The following RYR2 variants were observed in gnomAD, a reference collection of about 807,000 sequenced individuals.
RYR2 encodes cardiac muscle ryanodine receptor-calcium release channel.
In RYR2, 227 loss-of-function variants were observed where a neutral mutation model predicts 601.1. The observed-to-expected ratio is 0.38, with a 90% CI of 0.34 to 0.42. The LOEUF is 0.42. RYR2 is among the 10% of genes least tolerant of loss of function. RYR2 has a pLI of 1.00. For synonymous variants in RYR2, 2,223 were observed against 2,175.1 expected, an observed-to-expected ratio of 1.02 and a Z score of -0.61; for missense variants, 4,646 against 6,156.5, an observed-to-expected ratio of 0.75 and a Z score of 8.21.
intron 2 of RYR2, among the ~76,000 whole-genome samples, chr1:237,318,163 C>CT (rs35077788): frequency 0.14 from 22,005 of 151,854 alleles, 3,760 homozygotes; most frequent in African/African-American, 0.41. Context: ...TTTAATTCAT[C>CT]TAAAATCGTA....
chr1:237,445,553 G>A, intron 14 of RYR2, 31 bp downstream of exon 14: 1 of 1,610,574 alleles, frequency 6.2e-7, no homozygotes, highest in Non-Finnish European at 8.5e-7. Context: ...GTAGTTGTTT[G>A]ATACTTCATT....
At chr1:237,191,866 C>T (rs948686546) in intron 1 of RYR2, among the ~76,000 whole-genome samples, 1 of 152,126 alleles carries the variant, frequency 6.6e-6, no homozygotes, top group Non-Finnish European at 1.5e-5. Flanking sequence ...GTTTTTGTTG[C>T]TGTTGTTACT....
At chr1:237,059,943 G>A (rs1002126778) in intron 1 of RYR2, among the ~76,000 whole-genome samples, 2 of 152,124 alleles carry the variant, frequency 1.3e-5, no homozygotes, top group African/African-American at 2.4e-5. Flanking sequence ...TACTTAAAGC[G>A]TTCTTCTTCA....
chr1:237,810,112 A>G (rs1224377957), intron 100 of RYR2, among the ~76,000 whole-genome samples: 1 of 152,052 alleles, frequency 6.6e-6, no homozygotes, highest in Non-Finnish European at 1.5e-5. Flanking sequence ...TACATGGAGA[A>G]CGGTCTGAGT....
intron 47 of RYR2, among the ~76,000 whole-genome samples, chr1:237,641,793 C>T (rs1387082239): frequency 6.6e-6 from 1 of 152,188 alleles, no homozygotes; most frequent in Admixed American, 6.5e-5. Flanking sequence ...CCAACTGCCT[C>T]GGCCTCCCAA....
intron 17 of RYR2, among the ~76,000 whole-genome samples, chr1:237,484,315 G>A (rs1288365927): frequency 6.6e-6 from 1 of 152,100 alleles, no homozygotes; most frequent in Non-Finnish European, 1.5e-5. Context: ...GATTTTGACT[G>A]TGTTTTATTT....
At chr1:237,567,113 G>GGTTT (rs139447628) in intron 28 of RYR2, among the ~76,000 whole-genome samples, 2,494 of 152,030 alleles carry the variant, frequency 0.016, 22 homozygotes, top group Non-Finnish European at 0.023. Flanking sequence ...TATAATTAGT[G>GGTTT]GTTTGTATGA....
At chr1:237,416,721 T>C (rs113166288) in intron 10 of RYR2, among the ~76,000 whole-genome samples, 1,528 of 150,366 alleles carry the variant, frequency 0.01, 33 homozygotes, top group African/African-American at 0.035. Flanking sequence ...AGGTGAAATC[T>C]ATTCACTGGG....
intron 56 of RYR2, among the ~76,000 whole-genome samples, chr1:237,662,466 T>C (rs764553177): frequency 7.0e-6 from 1 of 143,420 alleles, no homozygotes; most frequent in African/African-American, 2.6e-5. Context: ...AATAAGGCAC[T>C]ACACAGTATA....
At chr1:237,534,510 T>G (rs752674825) in intron 25 of RYR2, among the ~76,000 whole-genome samples, 30 of 152,150 alleles carry the variant, frequency 2.0e-4, no homozygotes, top group Non-Finnish European at 4.0e-4. Context: ...TTTATAAAAT[T>G]TAGTATCCTT....
chr1:237,518,417 C>G (rs1448478191), intron 24 of RYR2, among the ~76,000 whole-genome samples: 1 of 151,652 alleles, frequency 6.6e-6, no homozygotes, highest in Non-Finnish European at 1.5e-5. Context: ...TTCCAATCCC[C>G]TCACTCTTCC....
At position 237,727,108 on chromosome 1, in the gene RYR2, A is replaced by C. The variant is rs752487531; in HGVS notation, c.10747A>C (p.Lys3583Gln). The change falls in exon 76 of 105, where the codon AAA becomes CAA. Residue 3583 changes from lysine (K) to glutamine (Q), a missense_variant. Around this residue, in one of 17 missense-constraint regions of RYR2, gnomAD observed 1,497 missense variants for 1,842.6 expected, o/e 0.81. Transcript: ENST00000366574. ...YCLVEHPQRSKKAVWHKLLSK... is the reference protein window; with the variant it reads ...YCLVEHPQRSQKAVWHKLLSK... Reference sequence around the variant, plus strand: ...TCAGGTGGAACATCCTCAGAGATCTAAAAAGGCTGTATGGCATAAACTACT... The same window carrying C: ...TCAGGTGGAACATCCTCAGAGATCTCAAAAGGCTGTATGGCATAAACTACT... 6.3e-7 allele frequency: 1 copy of C among 1,591,124 alleles called. No individual in the cohort carries two copies. The highest frequency in any genetic ancestry group is 8.6e-7 in the Non-Finnish European group (1 of 1,159,408).
chr1:237,055,298 C>G (rs1661848499), intron 1 of RYR2, among the ~76,000 whole-genome samples: 1 of 152,016 alleles, frequency 6.6e-6, no homozygotes, highest in African/African-American at 2.4e-5. Context: ...AAAAGGGGCC[C>G]TGGAAGTTAT....
intron 16 of RYR2, among the ~76,000 whole-genome samples, chr1:237,459,936 T>C (rs1334797631): frequency 6.6e-6 from 1 of 152,134 alleles, no homozygotes; most frequent in Non-Finnish European, 1.5e-5. Flanking sequence ...AATGTTTCTA[T>C]TGGGATGTGT....
At chr1:237,155,473 G>A (rs1204007076) in intron 1 of RYR2, among the ~76,000 whole-genome samples, 1 of 152,146 alleles carries the variant, frequency 6.6e-6, no homozygotes, top group Non-Finnish European at 1.5e-5. Flanking sequence ...GAATAGTGGC[G>A]TATTTAAGAA....
intron 1 of RYR2, among the ~76,000 whole-genome samples, chr1:237,071,715 C>T (rs1317410895): frequency 2.0e-5 from 3 of 152,204 alleles, no homozygotes; most frequent in Non-Finnish European, 4.4e-5. Flanking sequence ...GGGACCTACC[C>T]CTTCCTGCCT....
intron 10 of RYR2, among the ~76,000 whole-genome samples, chr1:237,412,355 A>G (rs992364417): frequency 3.9e-5 from 6 of 152,134 alleles, no homozygotes; most frequent in African/African-American, 1.4e-4. Flanking sequence ...CCTAAATGAA[A>G]TGTATTATAT....
intron 82 of RYR2, among the ~76,000 whole-genome samples, chr1:237,758,958 G>T (rs1693181956): frequency 6.6e-6 from 1 of 152,122 alleles, no homozygotes; most frequent in African/African-American, 2.4e-5. Context: ...TGAGAACAAA[G>T]GAGAACATTT....
intron 12 of RYR2, among the ~76,000 whole-genome samples, chr1:237,426,709 C>T (rs941668236): frequency 3.9e-5 from 6 of 152,058 alleles, no homozygotes; most frequent in African/African-American, 1.5e-4. Flanking sequence ...AAAACATGAA[C>T]CGGTACATCA....
Sources: gnomAD v4.1 joint callset for allele counts (sites outside exome capture counted in the v4.1 genomes callset) on GRCh38, gnomAD v4.1.1 for gene constraint, gnomAD v4.1.1 regional missense constraint, MANE v1.5 for transcripts, NCBI Gene and HGNC (gene_info 2026-07-23, HGNC 2026-07-21) for gene names.